Variants in ADGRG6 observed in about 807,000 individuals in gnomAD.
ADGRG6 encodes adhesion G protein-coupled receptor G6.
Under a neutral mutation model 142.4 loss-of-function variants are expected in ADGRG6, and 84 were observed. The observed-to-expected ratio is 0.59, with a 90% CI of 0.49 to 0.71. The LOEUF is 0.71. ADGRG6 is among the 30% of genes least tolerant of loss of function. The pLI is 0.00. For missense variants in ADGRG6, 1,367 were observed against 1,466.6 expected, an observed-to-expected ratio of 0.93 and a Z score of 1.11; for synonymous variants, 521 against 520.5, an observed-to-expected ratio of 1.00 and a Z score of -0.01.
chr6:142,323,859 G>A (rs1464620244), intron 2 of ADGRG6, among the ~76,000 whole-genome samples: 8 of 152,080 alleles, frequency 5.3e-5, no homozygotes, highest in Non-Finnish European at 1.2e-4. Flanking sequence ...CTGAAACGTT[G>A]TTATGGGGTG....
At chr6:142,393,987 T>G in intron 9 of ADGRG6, 29 bp downstream of exon 9, 1 of 1,370,476 alleles carries the variant, frequency 7.3e-7, no homozygotes, top group Non-Finnish European at 1.0e-6. Context: ...GTAAAGAGTA[T>G]AACATTCTTT....
intron 2 of ADGRG6, among the ~76,000 whole-genome samples, chr6:142,365,486 T>C (rs1015474632): frequency 6.6e-6 from 1 of 152,086 alleles, no homozygotes; most frequent in Non-Finnish European, 1.5e-5. Context: ...CTTGTTGAGT[T>C]CACAAAGTAG....
intron 3 of ADGRG6, 125 bp downstream of exon 3, chr6:142,368,035 A>C: frequency 1.6e-6 from 1 of 620,482 alleles, no homozygotes; most frequent in Non-Finnish European, 2.8e-6. Flanking sequence ...TTGGGATATA[A>C]GGGCAAGAAT....
At chr6:142,410,332 T>C (rs1262653939) in intron 17 of ADGRG6, among the ~76,000 whole-genome samples, 1 of 152,044 alleles carries the variant, frequency 6.6e-6, no homozygotes, top group Non-Finnish European at 1.5e-5. Flanking sequence ...CCTCCAGTTA[T>C]GAGGGAGGTG....
chr6:142,345,416 A>G (rs1185498209), intron 2 of ADGRG6, among the ~76,000 whole-genome samples: 2 of 152,106 alleles, frequency 1.3e-5, no homozygotes, highest in East Asian at 3.8e-4. Flanking sequence ...GTTTGTAAAT[A>G]TAAAATTAAA....
chr6:142,314,101 A>G (rs138977377), intron 2 of ADGRG6, among the ~76,000 whole-genome samples: 73 of 152,328 alleles, frequency 4.8e-4, no homozygotes, highest in African/African-American at 1.7e-3. Flanking sequence ...GTGTGAGTGA[A>G]TAAAGTCTAG....
chr6:142,371,570 C>T (rs973200863), intron 4 of ADGRG6, among the ~76,000 whole-genome samples: 18 of 150,324 alleles, frequency 1.2e-4, no homozygotes, highest in African/African-American at 4.2e-4. Flanking sequence ...ACTGCAAGCT[C>T]TGCCTCCCAG....
chr6:142,407,170 T>TAAAAAAAAAAAAAAA (rs11414768), intron 15 of ADGRG6, among the ~76,000 whole-genome samples: 11 of 121,010 alleles, frequency 9.1e-5, no homozygotes, highest in South Asian at 5.4e-4. Flanking sequence ...CCCGTCTCTT[T>TAAAAAAAAAAAAAAA]AAAAAAAAAA....
chr6:142,347,495 C>T (rs74874483), intron 2 of ADGRG6, among the ~76,000 whole-genome samples: 6 of 152,012 alleles, frequency 3.9e-5, no homozygotes, highest in African/African-American at 1.2e-4. Context: ...TGAGATGAAT[C>T]CAGTGTTTAA....
chr6:142,312,720 A>T (rs2114532180), intron 2 of ADGRG6, among the ~76,000 whole-genome samples: 1 of 152,038 alleles, frequency 6.6e-6, no homozygotes. Flanking sequence ...CCTATAAAAT[A>T]AAAAAACATA....
At chr6:142,418,295 TAAAAA>T (rs541243272) in intron 21 of ADGRG6, among the ~76,000 whole-genome samples, 1 of 79,784 alleles carries the variant, frequency 1.3e-5, no homozygotes, top group African/African-American at 4.6e-5. Context: ...AGACTCCATC[TAAAAA>T]AAAAAAAAAA....
At chr6:142,405,314 T>C in intron 14 of ADGRG6, 1 of 458,352 alleles carries the variant, frequency 2.2e-6, no homozygotes, top group Admixed American at 2.4e-5. Flanking sequence ...TCTTTCTCTT[T>C]CTCTCTCCCT....
intron 18 of ADGRG6, among the ~76,000 whole-genome samples, chr6:142,412,749 G>A (rs1401792377): frequency 1.3e-5 from 2 of 152,020 alleles, no homozygotes; most frequent in Admixed American, 6.6e-5. Flanking sequence ...GTGATAGCAG[G>A]CATTCTTTCA....
chr6:142,416,076 A>C lies in ADGRG6; in HGVS notation c.2938+12A>C. On this transcript the variant is annotated intron_variant, in intron 20 of 24. Coordinates refer to ENST00000367609, the MANE Select transcript of ADGRG6 (RefSeq NM_198569.3). ...CATCATTGGCTGGGGTAAGCCTCTT[A>C]AAATTTTTTTGGTTTTGTTTTTCCC... 2 of 1,584,652 alleles carry C rather than the reference A, an allele frequency of 1.3e-6. No individual in the cohort carries two copies. The highest frequency in any genetic ancestry group is 2.2e-5 in the East Asian group (1 of 44,450).
At chr6:142,358,734 G>A (rs1391513790) in intron 2 of ADGRG6, among the ~76,000 whole-genome samples, 9 of 152,026 alleles carry the variant, frequency 5.9e-5, no homozygotes, top group East Asian at 1.9e-4. Flanking sequence ...GTGAAATCCC[G>A]TCTCCACTAA....
At chr6:142,406,991 A>G (rs979781490) in intron 15 of ADGRG6, among the ~76,000 whole-genome samples, 1 of 152,028 alleles carries the variant, frequency 6.6e-6, no homozygotes, top group Non-Finnish European at 1.5e-5. Context: ...AGTCTTCTCC[A>G]TATCATTGTT....
At chr6:142,365,097 C>G (rs567851773) in intron 2 of ADGRG6, among the ~76,000 whole-genome samples, 1 of 152,128 alleles carries the variant, frequency 6.6e-6, no homozygotes, top group Non-Finnish European at 1.5e-5. Context: ...GTGCCTATAA[C>G]TGGATAAATT....
intron 2 of ADGRG6, among the ~76,000 whole-genome samples, chr6:142,318,641 T>G (rs1778363547): frequency 6.6e-6 from 1 of 151,350 alleles, no homozygotes; most frequent in South Asian, 2.1e-4. Context: ...TAGATAATGT[T>G]AAAACTGTGT....
At chr6:142,344,499 A>G (rs936030120) in intron 2 of ADGRG6, among the ~76,000 whole-genome samples, 1 of 151,980 alleles carries the variant, frequency 6.6e-6, no homozygotes, top group Non-Finnish European at 1.5e-5. Context: ...TTTAAAGAAA[A>G]CAGTGTGGAT....
Sources: gnomAD v4.1 joint callset for allele counts (sites outside exome capture counted in the v4.1 genomes callset) on GRCh38, gnomAD v4.1.1 for gene constraint, MANE v1.5 for transcripts, NCBI Gene and HGNC (gene_info 2026-07-23, HGNC 2026-07-21) for gene names.